LRRTM4: variants seen among roughly 807,000 people sequenced by gnomAD.
LRRTM4 encodes the protein leucine-rich repeat transmembrane neuronal protein 4.
LRRTM4 carries 25 observed loss-of-function variants against 47.6 expected under a neutral mutation model. The observed-to-expected ratio is 0.53, with a 90% CI of 0.38 to 0.73. The LOEUF (loss-of-function observed/expected upper bound fraction) is 0.73, where lower values mean the gene tolerates loss of function less well. Ranked by LOEUF, LRRTM4 falls within the 30% of genes least tolerant of loss-of-function variation. The pLI is 0.00. For missense variants in LRRTM4, 638 were observed against 713.4 expected (o/e 0.89, Z 1.20); for synonymous variants, 311 against 269.5 (o/e 1.15, Z -1.51).
intron 3 of LRRTM4, among the ~76,000 whole-genome samples, chr2:76,969,367 T>C (rs1676143345): frequency 6.6e-6 from 1 of 151,874 alleles, no homozygotes; most frequent in Non-Finnish European, 1.5e-5. Flanking sequence ...GACGGAAAAA[T>C]TCAAGAAGTA....
At chr2:77,068,498 CCTTT>C (rs763582057) in intron 3 of LRRTM4, among the ~76,000 whole-genome samples, 14 of 152,282 alleles carry the variant, frequency 9.2e-5, no homozygotes, top group Admixed American at 5.9e-4. Context: ...CCATGAATCT[CCTTT>C]CTATCTTCCT....
chr2:77,386,537 G>C (rs575807406), intron 3 of LRRTM4, among the ~76,000 whole-genome samples: 12 of 152,250 alleles, frequency 7.9e-5, no homozygotes, highest in Non-Finnish European at 1.3e-4. Flanking sequence ...TTGGCTTTAA[G>C]TCTTTGCTAT....
intron 3 of LRRTM4, among the ~76,000 whole-genome samples, chr2:76,777,296 A>G (rs1200728366): frequency 6.9e-6 from 1 of 144,658 alleles, no homozygotes; most frequent in African/African-American, 2.6e-5. Flanking sequence ...TTCTGTGAAG[A>G]AAGGCATTGG....
chr2:77,407,633 TTATTA>T (rs200524840), intron 3 of LRRTM4, among the ~76,000 whole-genome samples: 8,778 of 138,656 alleles, frequency 0.063, 308 homozygotes, highest in African/African-American at 0.095. Flanking sequence ...ATATGATATA[TTATTA>T]TATAATATAT....
intron 3 of LRRTM4, among the ~76,000 whole-genome samples, chr2:76,763,506 T>G (rs1673338481): frequency 1.3e-5 from 2 of 152,216 alleles, no homozygotes; most frequent in South Asian, 4.1e-4. Context: ...CCTACCTTAA[T>G]AGCACCTTAA....
intron 3 of LRRTM4, among the ~76,000 whole-genome samples, chr2:77,300,705 CATATTTAAT>C (rs1224477687): frequency 9.9e-5 from 15 of 152,182 alleles, no homozygotes; most frequent in African/African-American, 3.6e-4. Flanking sequence ...ATCTGAGGAA[CATATTTAAT>C]ATATTTAATA....
At chr2:77,447,023 G>A (rs1161579917) in intron 3 of LRRTM4, among the ~76,000 whole-genome samples, 1 of 151,918 alleles carries the variant, frequency 6.6e-6, no homozygotes, top group Non-Finnish European at 1.5e-5. Flanking sequence ...AAAATCTAGT[G>A]ATGCAAAACA....
At chr2:76,798,141 A>G (rs887767041) in intron 3 of LRRTM4, among the ~76,000 whole-genome samples, 1 of 152,118 alleles carries the variant, frequency 6.6e-6, no homozygotes, top group African/African-American at 2.4e-5. Context: ...AATCAACACA[A>G]TATACATTTT....
intron 1 of LRRTM4, 131 bp from the exon 2 acceptor site, chr2:77,521,949 TAGGGATGGGGG>T: frequency 1.8e-6 from 1 of 541,840 alleles, no homozygotes; most frequent in Middle Eastern, 2.9e-4. Context: ...GTTGGGGGGA[TAGGGATGGGGG>T]AGGGCCTCTA....
chr2:76,907,409 AC>A (rs1298746923), intron 3 of LRRTM4, among the ~76,000 whole-genome samples: 2 of 150,626 alleles, frequency 1.3e-5, no homozygotes, highest in Non-Finnish European at 2.9e-5. Context: ...CAAAATTGAC[AC>A]CCTAACATCA....
At chr2:77,343,350 C>T (rs1009707835) in intron 3 of LRRTM4, among the ~76,000 whole-genome samples, 2 of 151,820 alleles carry the variant, frequency 1.3e-5, no homozygotes, top group Non-Finnish European at 2.9e-5. Flanking sequence ...TCACAGAAAA[C>T]AGAACAAATT....
chr2:76,821,224 A>G (rs1389140607), intron 3 of LRRTM4, among the ~76,000 whole-genome samples: 1 of 151,762 alleles, frequency 6.6e-6, no homozygotes. Context: ...TTATGGATGT[A>G]CATACCTAAG....
intron 3 of LRRTM4, among the ~76,000 whole-genome samples, chr2:76,906,775 T>C (rs1289205713): frequency 6.6e-6 from 1 of 151,036 alleles, no homozygotes; most frequent in African/African-American, 2.4e-5. Context: ...GGTAAAGGGA[T>C]CAATTCAACA....
chr2:77,372,641 A>G (rs992542486), intron 3 of LRRTM4, among the ~76,000 whole-genome samples: 1 of 151,786 alleles, frequency 6.6e-6, no homozygotes, highest in Non-Finnish European at 1.5e-5. Context: ...ATTGCAAATA[A>G]TACTTCAGCA....
At chr2:76,978,287 G>C (rs1266546831) in intron 3 of LRRTM4, among the ~76,000 whole-genome samples, 5 of 151,944 alleles carry the variant, frequency 3.3e-5, no homozygotes. Context: ...ATTTCCCCCA[G>C]ATTCCATTAG....
chr2:77,342,437 T>C (rs1188651522), intron 3 of LRRTM4, among the ~76,000 whole-genome samples: 1 of 151,862 alleles, frequency 6.6e-6, no homozygotes, highest in South Asian at 2.1e-4. Flanking sequence ...AAACTATCAA[T>C]AGTGGCAAAC....
intron 3 of LRRTM4, among the ~76,000 whole-genome samples, chr2:76,882,420 G>C (rs534318058): frequency 7.8e-4 from 118 of 152,026 alleles, no homozygotes; most frequent in South Asian, 5.0e-3. Flanking sequence ...GGCCAGGCAC[G>C]GTGGCTCACA....
intron 3 of LRRTM4, among the ~76,000 whole-genome samples, chr2:77,235,816 G>C (rs1014851794): frequency 2.6e-5 from 4 of 152,086 alleles, no homozygotes; most frequent in African/African-American, 4.8e-5. Context: ...TTGAAGATCA[G>C]ATGGCTGTAG....
At chr2:77,084,573 A>G (rs746682761) in intron 3 of LRRTM4, among the ~76,000 whole-genome samples, 8 of 152,202 alleles carry the variant, frequency 5.3e-5, no homozygotes, top group Non-Finnish European at 1.0e-4. Context: ...ACAATTGTCT[A>G]CATCCCCTGC....
Sources: allele counts gnomAD v4.1 joint callset (sites outside exome capture counted in the v4.1 genomes callset), GRCh38; gene constraint gnomAD v4.1.1; transcripts MANE v1.5; gene names NCBI Gene and HGNC (gene_info 2026-07-23, HGNC 2026-07-21).